DBNL: variants seen among roughly 807,000 people sequenced by gnomAD.
DBNL encodes drebrin like.
A neutral mutation model predicts 62.2 loss-of-function variants in DBNL; 35 were observed. That is an observed-to-expected ratio of 0.56 (90% CI 0.43 to 0.75). DBNL has a LOEUF of 0.75. Among genes scored for constraint, DBNL ranks in the 30% least tolerant of loss-of-function variants. The pLI, the probability that DBNL is intolerant of heterozygous loss-of-function variation, is 0.00. For missense variants in DBNL, 495 were observed against 578.4 expected, an observed-to-expected ratio of 0.86 and a Z score of 1.48; for synonymous variants, 197 against 218.0, an observed-to-expected ratio of 0.90 and a Z score of 0.85.
Position 44,069,160 on chromosome 7 carries a change from C to G in DBNL, c.*8244C>G, listed in dbSNP as rs2096164694. The G allele has an allele frequency of 6.6e-6, 1 of 152,194 alleles. No homozygotes were observed. The highest frequency in any genetic ancestry group is 1.5e-5 in the Non-Finnish European group (1 of 68,034). The allele number at this position is 152,194 out of a possible 1,614,324, so 9.4% of individuals were successfully genotyped here. A position where few individuals can be genotyped will look rare whatever the true frequency, so the allele number is the denominator to read the frequency against. On this transcript the variant is annotated 3_prime_UTR_variant, in exon 13 of 13. Coordinates refer to ENST00000448521, the MANE Select transcript of DBNL (RefSeq NM_001014436.3). ...AAAATGTTAAACCAAGTTCTTCAGA[C>G]AGAAGAGATTACTGGGGGCAATTCA...
rs760174535 is a variant in DBNL, at chr7:44,052,878, C to T, written c.264C>T (p.Gly88=). Residue 88 remains glycine (G), a synonymous_variant, in exon 4 of 13, where the codon GGC becomes GGT. Transcript: ENST00000448521. ...KFVLINWTGE[G]VNDVRKGACA... ...TCCTTGTGTTGCAGACAGGCGAGGGCGTGAACGATGTGCGGAAGGGAGCCT... is the reference window on the plus strand; with the variant it reads ...TCCTTGTGTTGCAGACAGGCGAGGGTGTGAACGATGTGCGGAAGGGAGCCT... The T allele has an allele frequency of 2.4e-5, 39 of 1,613,698 alleles. No individual in the cohort carries two copies. The highest frequency in any genetic ancestry group is 6.7e-5 in the East Asian group (3 of 44,886).
intron 4 of DBNL, among the ~76,000 whole-genome samples, chr7:44,055,905 T>G (rs1049733070): frequency 3.9e-5 from 6 of 152,200 alleles, no homozygotes; most frequent in Non-Finnish European, 8.8e-5. Flanking sequence ...GCAGAAGCCT[T>G]TTAGCTTGAT....
Position 44,064,319 on chromosome 7 carries a change from G to A in DBNL, c.*3403G>A, listed in dbSNP as rs868644294. On this transcript the variant is annotated 3_prime_UTR_variant, in exon 13 of 13. Transcript: ENST00000448521. ...GATTGGTCTTTCCTTTGCCCAGAGA[G>A]GGGCTCCAGAGGGAGATAGGTGGTG... 8.3e-5 allele frequency: 16 copies of A among 193,840 alleles called. No individual in the cohort carries two copies. The highest frequency in any genetic ancestry group is 5.4e-5 in the Non-Finnish European group (5 of 92,740). 12.0% of individuals were successfully genotyped at this position (193,840 alleles called of 1,614,324 possible).
At position 44,058,147 on chromosome 7, in the gene DBNL, C is replaced by T. The variant is rs371206137; in HGVS notation, c.571C>T (p.Arg191Trp). Residue 191 changes from arginine (R) to tryptophan (W), a missense_variant, in exon 7 of 13, where the codon CGG becomes TGG. Physicochemically the swap from Arg to Trp is moderately radical, Grantham distance 101. Coordinates refer to ENST00000448521, the MANE Select transcript of DBNL (RefSeq NM_001014436.3). ...CCTGCAGAAGGAGGAGGAGAACCGT[C>T]GGCTGGAGGAAAAGCGGCGGGCCGA... ...AKAEKEEENR[R>W]LEEKRRAEEA... 1.2e-5 allele frequency: 18 copies of T among 1,557,168 alleles called. No homozygotes were observed. Among genetic ancestry groups the T allele is most frequent in the Admixed American group, 5.8e-5 (3 of 51,346 alleles).
chr7:44,062,797 C>T lies in DBNL; in HGVS notation c.*1881C>T. On this transcript the variant is annotated 3_prime_UTR_variant, in exon 13 of 13. Coordinates refer to ENST00000448521, the MANE Select transcript of DBNL (RefSeq NM_001014436.3). Reference sequence around the variant, plus strand: ...CCTTGCCCTGGGCAGCCACAGCCTCCATGGCCTTCCGCACCGTTTCCTCAT... The same window carrying T: ...CCTTGCCCTGGGCAGCCACAGCCTCTATGGCCTTCCGCACCGTTTCCTCAT... 6.2e-7 allele frequency: 1 copy of T among 1,614,242 alleles called. No individual in the cohort carries two copies. Among genetic ancestry groups the T allele is most frequent in the Non-Finnish European group, 8.5e-7 (1 of 1,180,044 alleles).
chr7:44,063,062 G>A lies in DBNL; in HGVS notation c.*2146G>A, dbSNP rs1342993919. ...ATTCCTTCCCAGCCCTGAGAACGAG[G>A]CCACAGAAATGTTGCCAAAGGTCAA... On this transcript the variant is annotated 3_prime_UTR_variant, in exon 13 of 13. Transcript: ENST00000448521. 6.2e-6 allele frequency: 6 copies of A among 972,154 alleles called. No individual in the cohort carries two copies. Among genetic ancestry groups the A allele is most frequent in the Non-Finnish European group, 9.7e-6 (6 of 616,284 alleles). 60.2% of individuals were successfully genotyped at this position (972,154 alleles called of 1,614,324 possible).
chr7:44,051,579 T>C, intron 2 of DBNL: 2 of 337,700 alleles, frequency 5.9e-6, no homozygotes, highest in Non-Finnish European at 1.1e-5. Context: ...TTTAAACGAG[T>C]GTGGGTAAAA....
rs1374833869 is a variant in DBNL at position 44,062,241 on chromosome 7, C to T, written c.*1325C>T. 5.6e-6 allele frequency: 1 copy of T among 177,736 alleles called. No individual in the cohort carries two copies. Among genetic ancestry groups the T allele is most frequent in the African/African-American group, 2.4e-5 (1 of 42,312 alleles). 11.0% of individuals were successfully genotyped at this position (177,736 alleles called of 1,614,324 possible). ...TCCCATGAAGAGGGAACTTCCCCTC[C>T]ACTCCCATGGAAGACCCAGGTTTGG... On this transcript the variant is annotated 3_prime_UTR_variant, in exon 13 of 13. Coordinates refer to ENST00000448521, the MANE Select transcript of DBNL (RefSeq NM_001014436.3).
In DBNL at chr7:44,063,117, C is replaced by A. The variant is rs1004499294; in HGVS notation, c.*2201C>A. On this transcript the variant is annotated 3_prime_UTR_variant, in exon 13 of 13. Coordinates refer to ENST00000448521, the MANE Select transcript of DBNL (RefSeq NM_001014436.3). Reference sequence around the variant, plus strand: ...TAACTGAGTTAGACCAAGCAGCCTACAGAAATAGCCCAGTGGTGAAAAAAA... The same window carrying A: ...TAACTGAGTTAGACCAAGCAGCCTAAAGAAATAGCCCAGTGGTGAAAAAAA... 3 of 652,116 alleles carry A rather than the reference C, an allele frequency of 4.6e-6. No homozygotes were observed. Among genetic ancestry groups the A allele is most frequent in the African/African-American group, 3.6e-5 (2 of 56,092 alleles). The allele number at this position is 652,116 out of a possible 1,614,324, so 40.4% of individuals were successfully genotyped here. A position where few individuals can be genotyped will look rare whatever the true frequency, so the allele number is the denominator to read the frequency against.
Position 44,060,654 on chromosome 7 carries a change from C to A in DBNL, c.1154-123C>A. On this transcript the variant is annotated intron_variant, in intron 12 of 12. Coordinates refer to ENST00000448521, the MANE Select transcript of DBNL (RefSeq NM_001014436.3). The surrounding 1 kb of genome is among the most constrained non-coding windows in gnomAD (Gnocchi z 6.3). The stretch of plus-strand genomic sequence containing the variant: ...GCTTAGCAGGGTGGCAGGGATATTT[C>A]TGAGGAGGAACCAGAGCTGCAGCGA... 1 of 1,407,088 alleles carries A rather than the reference C, an allele frequency of 7.1e-7. No homozygotes were observed. Among genetic ancestry groups the A allele is most frequent in the Non-Finnish European group, 9.6e-7 (1 of 1,043,674 alleles). The allele number at this position is 1,407,088 out of a possible 1,614,324, so 87.2% of individuals were successfully genotyped here.
intron 2 of DBNL, chr7:44,050,510 G>A (rs1562651203): frequency 2.3e-6 from 1 of 439,566 alleles, no homozygotes; most frequent in Middle Eastern, 7.0e-4. Context: ...CTTGGGGAGA[G>A]CTGAGAGGGA....
chr7:44,057,978 CACACTG>C (rs2096139581), intron 6 of DBNL, 119 bp downstream of exon 6: 1 of 1,535,116 alleles, frequency 6.5e-7, no homozygotes, highest in African/African-American at 1.4e-5. Flanking sequence ...TACAGATGGT[CACACTG>C]AGGCTCGGGT....
At chr7:44,056,960 G>A (rs1379447450) in intron 5 of DBNL, 57 bp downstream of exon 5, 7 of 1,606,956 alleles carry the variant, frequency 4.4e-6, no homozygotes, top group Admixed American at 3.3e-5. Flanking sequence ...GAGGCAGGGG[G>A]CCAGGAATAT....
In DBNL at chr7:44,063,126, CCCAGTGGTG is replaced by C; in HGVS notation, c.*2211_*2219del. The C allele has an allele frequency of 1.6e-6, 1 of 624,066 alleles. No individual in the cohort carries two copies. Among genetic ancestry groups the C allele is most frequent in the Admixed American group, 2.4e-5 (1 of 41,906 alleles). The allele number at this position is 624,066 out of a possible 1,614,324, so 38.7% of individuals were successfully genotyped here. ...TAGACCAAGCAGCCTACAGAAATAG[CCCAGTGGTG>C]AAAAAAATGGGGACTTCAGCCCCAC... On this transcript the variant is annotated 3_prime_UTR_variant, in exon 13 of 13. Coordinates refer to ENST00000448521, the MANE Select transcript of DBNL (RefSeq NM_001014436.3).
Position 44,066,621 on chromosome 7 carries a change from C to A in DBNL, c.*5705C>A, listed in dbSNP as rs922205930. 3 of 152,322 alleles carry A rather than the reference C, an allele frequency of 2.0e-5. No homozygotes were observed. Among genetic ancestry groups the A allele is most frequent in the African/African-American group, 7.2e-5 (3 of 41,474 alleles). 9.4% of individuals were successfully genotyped at this position (152,322 alleles called of 1,614,324 possible). ...GGTGAGAGGCCAGCAGAGGGACCAC[C>A]ACTCTGAGACTTGGATCTGAGTGTG... On this transcript the variant is annotated 3_prime_UTR_variant, in exon 13 of 13. Coordinates refer to ENST00000448521, the MANE Select transcript of DBNL (RefSeq NM_001014436.3).
intron 1 of DBNL, among the ~76,000 whole-genome samples, chr7:44,048,009 C>G (rs1289430478): frequency 6.6e-6 from 1 of 150,492 alleles, no homozygotes; most frequent in Non-Finnish European, 1.5e-5. Context: ...CTCTGCCTCC[C>G]AGGTTCAAGT....
intron 4 of DBNL, among the ~76,000 whole-genome samples, chr7:44,053,670 A>T (rs1460235664): frequency 6.6e-6 from 1 of 151,148 alleles, no homozygotes; most frequent in Non-Finnish European, 1.5e-5. Flanking sequence ...ATTCTCCAGA[A>T]TCTGAATTTT....
rs899570747 is a variant in DBNL at position 44,065,949 on chromosome 7, A to C, written c.*5033A>C. 10 of 313,312 alleles carry C rather than the reference A, an allele frequency of 3.2e-5. 1 individual carries two copies. The highest frequency in any genetic ancestry group is 3.1e-4 in the South Asian group (10 of 32,354). The allele number at this position is 313,312 out of a possible 1,614,324, so 19.4% of individuals were successfully genotyped here. ...TCTCTGCTCAGACAGAGGCACAAAC[A>C]AAATCCCAACCCCTTTCTCCTGTGA... On this transcript the variant is annotated 3_prime_UTR_variant, in exon 13 of 13. Transcript: ENST00000448521.
In DBNL at chr7:44,065,098, C is replaced by T. The variant is rs1401517868; in HGVS notation, c.*4182C>T. On this transcript the variant is annotated 3_prime_UTR_variant, in exon 13 of 13. Transcript: ENST00000448521. ...ACTCTGCAGCTTCCCAGAGGCCTTC[C>T]CAGCAAAGGCAGCCCACCTTGCTAA... The T allele has an allele frequency of 1.2e-6, 2 of 1,613,282 alleles. No homozygotes were observed. Among genetic ancestry groups the T allele is most frequent in the Non-Finnish European group, 1.7e-6 (2 of 1,180,016 alleles).
Sources: gnomAD v4.1 joint callset for allele counts (sites outside exome capture counted in the v4.1 genomes callset) on GRCh38, gnomAD v4.1.1 for gene constraint, Gnocchi (gnomAD v3.1) non-coding constraint, MANE v1.5 for transcripts, NCBI Gene and HGNC (gene_info 2026-07-23, HGNC 2026-07-21) for gene names.